Variants in RNF216 observed in about 807,000 individuals in gnomAD.
RNF216 encodes ring finger protein 216.
Under a neutral mutation model 110.8 loss-of-function variants are expected in RNF216, and 72 were observed. The ratio of observed to expected loss-of-function variants is 0.65; its 90% CI spans 0.54 to 0.79. The LOEUF (loss-of-function observed/expected upper bound fraction) is 0.79. Ranked by LOEUF, RNF216 falls within the 30% of genes least tolerant of loss-of-function variation. The probability of loss-of-function intolerance (pLI) is 0.00; values close to 1 mark genes in which losing one functional copy is unlikely to be tolerated. For synonymous variants in RNF216, 495 were observed against 407.5 expected (o/e 1.21, Z -2.59); for missense variants, 1,342 against 1,141.2 (o/e 1.18, Z -2.54).
In RNF216 at chr7:5,712,750, C is replaced by T; in HGVS notation, c.1947G>A (p.Glu649=). The T allele has an allele frequency of 3.1e-6, 5 of 1,614,126 alleles. No individual in the cohort carries two copies. The highest frequency in any genetic ancestry group is 4.2e-6 in the Non-Finnish European group (5 of 1,180,020). ...LYKYYERKAE[E]EVAAAYADEL... ...CGTCGGCGTAGGCTGCCGCAACCTC[C>T]TCCTCGGCTTTTCGCTCATAGTACT... The change falls in exon 12 of 17, where the codon GAG becomes GAA. Residue 649 remains glutamate, a synonymous_variant. Coordinates refer to ENST00000389902, the MANE Select transcript of RNF216 (RefSeq NM_207111.4).
At chr7:5,714,137 AT>A (rs1792893676) in intron 11 of RNF216, among the ~76,000 whole-genome samples, 1 of 152,098 alleles carries the variant, frequency 6.6e-6, no homozygotes, top group African/African-American at 2.4e-5. Context: ...TAATTTTTGT[AT>A]TTTTAGCAGA....
chr7:5,781,373 T>C lies in RNF216; in HGVS notation c.-70+168A>G, dbSNP rs893550002. 1.2e-3 allele frequency among the ~76,000 whole-genome samples: 175 copies of C among 150,982 alleles called. 1 individual carries two copies. Among genetic ancestry groups the C allele is most frequent in the African/African-American group, 4.2e-3 (172 of 41,042 alleles). ...GGCTCGAGACGCCCAGCCCAGCCCCTTGGCCCGATCCCGCCCGGGCCTCGG... is the reference window on the plus strand; with the variant it reads ...GGCTCGAGACGCCCAGCCCAGCCCCCTGGCCCGATCCCGCCCGGGCCTCGG... On this transcript the variant is annotated intron_variant, in intron 1 of 16. Transcript: ENST00000389902.
At chr7:5,739,464 C>A in intron 4 of RNF216, 112 bp from the exon 5 acceptor site, 1 of 1,058,488 alleles carries the variant, frequency 9.4e-7, no homozygotes, top group East Asian at 2.6e-5. Context: ...TAGAAAAGGG[C>A]TGTGAAGCAG....
chr7:5,740,493 T>C (rs1164364142), intron 4 of RNF216, among the ~76,000 whole-genome samples: 1 of 152,158 alleles, frequency 6.6e-6, no homozygotes, highest in African/African-American at 2.4e-5. Context: ...TCCTCCATGC[T>C]TGATGATGAG....
At chr7:5,736,537 G>A (rs1156730643) in intron 5 of RNF216, among the ~76,000 whole-genome samples, 6 of 152,066 alleles carry the variant, frequency 3.9e-5, no homozygotes, top group Admixed American at 1.3e-4. Flanking sequence ...CTGCCCGGCC[G>A]CCACCCCGTC....
intron 2 of RNF216, chr7:5,760,445 G>T: frequency 2.6e-6 from 1 of 390,130 alleles, no homozygotes; most frequent in Non-Finnish European, 5.3e-6. Flanking sequence ...GAACCCAGGA[G>T]GCGGAGCTCG....
intron 13 of RNF216, among the ~76,000 whole-genome samples, chr7:5,677,684 C>T (rs527238870): frequency 1.4e-4 from 22 of 152,140 alleles, no homozygotes; most frequent in Non-Finnish European, 2.5e-4. Flanking sequence ...GTAGGTGAAT[C>T]CCCTTCCAGT....
chr7:5,647,337 T>C (rs1196117439), intron 14 of RNF216, among the ~76,000 whole-genome samples: 5 of 146,546 alleles, frequency 3.4e-5, no homozygotes, highest in East Asian at 2.0e-4. Context: ...TCTTTTTTTT[T>C]TTTTTTTTTT....
At position 5,624,975 on chromosome 7, in the gene RNF216, C is replaced by T. The variant is rs1056493701; in HGVS notation, c.2383-850G>A. On this transcript the variant is annotated intron_variant, in intron 15 of 16. Transcript: ENST00000389902. The surrounding 1 kb of genome is among the most constrained non-coding windows in gnomAD (Gnocchi z 4.4). The stretch of plus-strand genomic sequence containing the variant: ...TGCCTGCTTCATGAGTGGCGCTTAC[C>T]TTAACCCCCCTCCTCAGTGACCCAC... 1.3e-5 allele frequency among the ~76,000 whole-genome samples: 2 copies of T among 152,106 alleles called. No homozygotes were observed. The highest frequency in any genetic ancestry group is 2.9e-5 in the Non-Finnish European group (2 of 67,972).
intron 12 of RNF216, 137 bp from the exon 13 acceptor site, chr7:5,711,976 T>A: frequency 1.5e-6 from 1 of 687,136 alleles, no homozygotes; most frequent in Non-Finnish European, 2.5e-6. Context: ...TAGTTTTCCT[T>A]AAAAACACAG....
chr7:5,734,907 T>C (rs1794306504), intron 5 of RNF216, among the ~76,000 whole-genome samples: 1 of 151,566 alleles, frequency 6.6e-6, no homozygotes, highest in Non-Finnish European at 1.5e-5. Flanking sequence ...TCCCAGCACT[T>C]TGGGAGGCTG....
chr7:5,739,176 C>G, intron 5 of RNF216, 100 bp downstream of exon 5: 1 of 1,325,944 alleles, frequency 7.5e-7, no homozygotes, highest in Non-Finnish European at 9.9e-7. Flanking sequence ...TTAACAACAC[C>G]AAATTGTATA....
chr7:5,678,128 G>A (rs1296012957), intron 13 of RNF216, among the ~76,000 whole-genome samples: 3 of 152,100 alleles, frequency 2.0e-5, no homozygotes, highest in Non-Finnish European at 1.5e-5. Flanking sequence ...AAAGGGCCCC[G>A]GCTACATAAA....
At chr7:5,641,078 T>C in intron 15 of RNF216, 76 bp downstream of exon 15, 5 of 1,177,622 alleles carry the variant, frequency 4.2e-6, no homozygotes, top group Non-Finnish European at 6.0e-6. Context: ...TTGTTACGTA[T>C]ATTCAAAATA....
intron 5 of RNF216, among the ~76,000 whole-genome samples, chr7:5,735,701 A>G (rs574766230): frequency 6.6e-6 from 1 of 152,318 alleles, no homozygotes; most frequent in African/African-American, 2.4e-5. Flanking sequence ...AAACAGCTAC[A>G]AAATTTCCAG....
rs1182485947 is a variant in RNF216, at chr7:5,687,409, A to AAAAAAG, written c.2061+24346_2061+24351dup. ...AACTCCACCTCAAAAAAAAAAAAAA[A>AAAAAAG]AAAAAGAAAAAGAAAAGAAAAGAAA... On this transcript the variant is annotated intron_variant, in intron 13 of 16. Transcript: ENST00000389902. Among the ~76,000 whole-genome samples, 153 of 150,218 alleles carry AAAAAAG rather than the reference A, an allele frequency of 1.0e-3. 1 individual carries two copies. Among genetic ancestry groups the AAAAAAG allele is most frequent in the Non-Finnish European group, 1.8e-3 (124 of 67,404 alleles).
At chr7:5,660,943 G>GTTTTGTTTTTTTTTTT (rs1554352520) in intron 13 of RNF216, among the ~76,000 whole-genome samples, 22 of 90,152 alleles carry the variant, frequency 2.4e-4, no homozygotes, top group African/African-American at 1.1e-3. Flanking sequence ...GAAGCCTTAG[G>GTTTTGTTTTTTTTTTT]TTTTTTTTTT....
At chr7:5,701,272 A>G (rs1791951178) in intron 13 of RNF216, among the ~76,000 whole-genome samples, 1 of 152,184 alleles carries the variant, frequency 6.6e-6, no homozygotes, top group African/African-American at 2.4e-5. Context: ...AACACTGGGG[A>G]GCTGGTAGAA....
chr7:5,691,055 G>T (rs1376833110), intron 13 of RNF216, among the ~76,000 whole-genome samples: 2 of 152,162 alleles, frequency 1.3e-5, no homozygotes, highest in Non-Finnish European at 2.9e-5. Flanking sequence ...AGCTCACACA[G>T]CCGTGCAAAG....
Sources: allele counts gnomAD v4.1 joint callset (sites outside exome capture counted in the v4.1 genomes callset), GRCh38; gene constraint gnomAD v4.1.1; non-coding constraint Gnocchi (gnomAD v3.1); transcripts MANE v1.5; gene names NCBI Gene and HGNC (gene_info 2026-07-23, HGNC 2026-07-21).